Variants in RPTOR observed in about 807,000 individuals in gnomAD.
The protein encoded by RPTOR is regulatory associated protein of MTOR complex 1, also known as regulatory-associated protein of mTOR.
A neutral mutation model predicts 169.9 loss-of-function variants in RPTOR; 21 were observed. The observed-to-expected ratio is 0.12, with a 90% confidence interval of 0.09 to 0.18. The LOEUF (loss-of-function observed/expected upper bound fraction) is 0.18. Among genes scored for constraint, RPTOR ranks in the 10% least tolerant of loss-of-function variants. The pLI is 1.00. For synonymous variants in RPTOR, 732 were observed against 753.2 expected, an observed-to-expected ratio of 0.97 and a Z score of 0.46; for missense variants, 1,133 against 1,855.9, an observed-to-expected ratio of 0.61 and a Z score of 7.16.
At position 80,616,298 on chromosome 17, in the gene RPTOR, CT is replaced by C. The variant is rs201229448; in HGVS notation, c.163-9372del. The stretch of plus-strand genomic sequence containing the variant: ...AATCCATTTATTGAAAATTGAAAAT[CT>C]TTTTTTTTTTTTTTTTTTTTGAGAC... On this transcript the variant is annotated intron_variant, in intron 1 of 33. Transcript: ENST00000306801. 3.4e-3 allele frequency among the ~76,000 whole-genome samples: 390 copies of C among 113,268 alleles called. 2 individuals carry two copies. Among genetic ancestry groups the C allele is most frequent in the African/African-American group, 8.5e-3 (222 of 26,184 alleles). 74.3% of individuals were successfully genotyped at this position (113,268 alleles called of 152,430 possible). A position where few individuals can be genotyped will look rare whatever the true frequency, so the allele number is the denominator to read the frequency against.
At chr17:80,592,891 G>A (rs910295278) in intron 1 of RPTOR, among the ~76,000 whole-genome samples, 2 of 152,192 alleles carry the variant, frequency 1.3e-5, no homozygotes, top group Non-Finnish European at 2.9e-5. Flanking sequence ...CTGATGGCGG[G>A]CGCAATGGCG....
At chr17:80,884,011 T>C in intron 16 of RPTOR, 39 bp downstream of exon 16, 1 of 1,585,842 alleles carries the variant, frequency 6.3e-7, no homozygotes, top group South Asian at 1.1e-5. Context: ...TCCTCCTGGC[T>C]GCCGACTGCG....
chr17:80,871,044 C>G (rs1348421890), intron 13 of RPTOR, among the ~76,000 whole-genome samples: 1 of 152,150 alleles, frequency 6.6e-6, no homozygotes, highest in Non-Finnish European at 1.5e-5. Context: ...TTTTGATGAC[C>G]TTGACAGCTT....
At chr17:80,799,562 C>T (rs1164489925) in intron 7 of RPTOR, among the ~76,000 whole-genome samples, 1 of 152,206 alleles carries the variant, frequency 6.6e-6, no homozygotes, top group African/African-American at 2.4e-5. Flanking sequence ...AGTGTGAGGA[C>T]GACGTTGGTT....
chr17:80,682,639 C>T (rs898148479), intron 3 of RPTOR, among the ~76,000 whole-genome samples: 3 of 152,242 alleles, frequency 2.0e-5, no homozygotes, highest in African/African-American at 7.2e-5. Flanking sequence ...CCAGGGCCTC[C>T]AGAGGGAGCG....
intron 7 of RPTOR, among the ~76,000 whole-genome samples, chr17:80,814,145 AT>A (rs752831973): frequency 2.6e-5 from 4 of 151,752 alleles, no homozygotes; most frequent in East Asian, 1.9e-4. Flanking sequence ...TCTCAAAAAA[AT>A]TTTTTTTTCA....
intron 1 of RPTOR, among the ~76,000 whole-genome samples, chr17:80,604,928 T>TC (rs397963942): frequency 1.2e-4 from 18 of 144,012 alleles, no homozygotes; most frequent in South Asian, 6.7e-4. Flanking sequence ...TTTTTTTTTT[T>TC]CCCCTTTTTT....
At chr17:80,745,753 C>T (rs893841039) in intron 5 of RPTOR, among the ~76,000 whole-genome samples, 1 of 152,178 alleles carries the variant, frequency 6.6e-6, no homozygotes, top group African/African-American at 2.4e-5. Flanking sequence ...ATGCTATTTT[C>T]AGAAATTACT....
intron 6 of RPTOR, among the ~76,000 whole-genome samples, chr17:80,781,670 G>C (rs1341347710): frequency 1.3e-5 from 2 of 152,170 alleles, no homozygotes; most frequent in African/African-American, 4.8e-5. Context: ...AATACACTGG[G>C]CTTGGATCGC....
chr17:80,642,131 T>G (rs578102378), intron 2 of RPTOR, among the ~76,000 whole-genome samples: 10 of 150,214 alleles, frequency 6.7e-5, no homozygotes, highest in East Asian at 3.9e-4. Flanking sequence ...CAACTTCTTT[T>G]TTGTTGTTGT....
At chr17:80,841,474 A>ACTCT (rs1271178773) in intron 10 of RPTOR, among the ~76,000 whole-genome samples, 3 of 101,986 alleles carry the variant, frequency 2.9e-5, no homozygotes, top group East Asian at 3.5e-4. Context: ...ACGGCAGCTC[A>ACTCT]CACCACACGG....
chr17:80,733,245 CAT>C (rs1225194516), intron 5 of RPTOR, among the ~76,000 whole-genome samples: 2 of 152,196 alleles, frequency 1.3e-5, no homozygotes, highest in Admixed American at 1.3e-4. Context: ...CGGAAAATGA[CAT>C]ATCTGTCACT....
In RPTOR at chr17:80,823,286, T is replaced by C. The variant is rs1182788535; in HGVS notation, c.1136+63T>C. Reference sequence around the variant, plus strand: ...CGCCCTCCGTGGCACTGTGATGTCATGGAATTGCACGGAGCTGGGCAGGGA... The same window carrying C: ...CGCCCTCCGTGGCACTGTGATGTCACGGAATTGCACGGAGCTGGGCAGGGA... On this transcript the variant is annotated intron_variant, in intron 9 of 33. Coordinates refer to ENST00000306801, the MANE Select transcript of RPTOR (RefSeq NM_020761.3). This position sits in a 1 kb window ranked among gnomAD's most constrained non-coding sequence, Gnocchi z 4.5. 11 of 1,587,740 alleles carry C rather than the reference T, an allele frequency of 6.9e-6. No homozygotes were observed. The Admixed American group carries it at 1.9e-4, about 27-fold the overall frequency.
At chr17:80,918,527 GTCATA>G in intron 21 of RPTOR, among the ~76,000 whole-genome samples, 1 of 67,458 alleles carries the variant, frequency 1.5e-5, no homozygotes. Flanking sequence ...CCTCGCGGGG[GTCATA>G]GCCATGAGCA....
At chr17:80,548,168 C>T (rs1269660321) in intron 1 of RPTOR, among the ~76,000 whole-genome samples, 6 of 149,162 alleles carry the variant, frequency 4.0e-5, no homozygotes, top group Non-Finnish European at 5.9e-5. Context: ...ACTGCAGCCT[C>T]GACCTCCTGG....
chr17:80,714,588 TAAA>T (rs2066224405), intron 4 of RPTOR, among the ~76,000 whole-genome samples: 1 of 151,908 alleles, frequency 6.6e-6, no homozygotes, highest in Non-Finnish European at 1.5e-5. Context: ...TAAAAGAAAA[TAAA>T]AAATAATTCA....
intron 1 of RPTOR, among the ~76,000 whole-genome samples, chr17:80,606,305 T>C (rs1015233403): frequency 2.4e-5 from 3 of 127,656 alleles, no homozygotes; most frequent in African/African-American, 8.2e-5. Flanking sequence ...CCACGGTGCC[T>C]GGCCTTTTTT....
At chr17:80,712,972 G>A (rs1340366453) in intron 4 of RPTOR, among the ~76,000 whole-genome samples, 1 of 152,140 alleles carries the variant, frequency 6.6e-6, no homozygotes, top group Non-Finnish European at 1.5e-5. Flanking sequence ...CTTTGATGAG[G>A]TATCTCTTCA....
At chr17:80,673,049 C>A (rs1222327284) in intron 3 of RPTOR, among the ~76,000 whole-genome samples, 5 of 152,024 alleles carry the variant, frequency 3.3e-5, no homozygotes, top group Non-Finnish European at 5.9e-5. Context: ...GCCTCAGCCT[C>A]CCACGTAGCT....
Sources: allele counts gnomAD v4.1 joint callset (sites outside exome capture counted in the v4.1 genomes callset), GRCh38; gene constraint gnomAD v4.1.1; non-coding constraint Gnocchi (gnomAD v3.1); transcripts MANE v1.5; gene names NCBI Gene and HGNC (gene_info 2026-07-23, HGNC 2026-07-21).